TCF7L2: variants seen among roughly 807,000 people sequenced by gnomAD.
TCF7L2 encodes the protein transcription factor 7 like 2, also known as transcription factor 7-like 2.
TCF7L2 carries 23 observed loss-of-function variants against 77.9 expected under a neutral mutation model. That is an observed-to-expected ratio of 0.30 (90% CI 0.21 to 0.42). TCF7L2 has a LOEUF of 0.42. Ranked by LOEUF, TCF7L2 falls within the 10% of genes least tolerant of loss-of-function variation. The probability of loss-of-function intolerance (pLI) is 1.00; values close to 1 mark genes in which losing one functional copy is unlikely to be tolerated. For synonymous variants in TCF7L2, 413 were observed against 340.2 expected, an observed-to-expected ratio of 1.21 and a Z score of -2.36; for missense variants, 654 against 793.1, an observed-to-expected ratio of 0.82 and a Z score of 2.11.
intron 11 of TCF7L2, among the ~76,000 whole-genome samples, chr10:113,153,442 G>C (rs911861455): frequency 6.6e-6 from 1 of 152,220 alleles, no homozygotes; most frequent in African/African-American, 2.4e-5. Flanking sequence ...TCGATGTCTT[G>C]GAGCCATGGA....
chr10:113,164,420 C>T (rs145503440), intron 13 of TCF7L2, among the ~76,000 whole-genome samples: 105 of 152,240 alleles, frequency 6.9e-4, no homozygotes, highest in African/African-American at 2.5e-3. Context: ...GTCCATGCTG[C>T]GATTCCCTGG....
intron 5 of TCF7L2, chr10:113,089,279 A>AT: frequency 8.8e-7 from 1 of 1,137,352 alleles, no homozygotes; most frequent in Non-Finnish European, 1.2e-6. Flanking sequence ...TCCCTCTATC[A>AT]TGGAGCTTCT....
intron 4 of TCF7L2, among the ~76,000 whole-genome samples, chr10:113,027,551 G>A (rs2049405639): frequency 6.6e-6 from 1 of 152,070 alleles, no homozygotes; most frequent in South Asian, 2.1e-4. Context: ...AAACAAAACA[G>A]CCCTCTGTGT....
chr10:113,003,826 G>C (rs1047876001), intron 4 of TCF7L2, among the ~76,000 whole-genome samples: 3 of 152,222 alleles, frequency 2.0e-5, no homozygotes, highest in African/African-American at 7.2e-5. Flanking sequence ...CCCTGAGATG[G>C]TGTAGGCCAC....
chr10:113,140,725 G>A (rs1446167053), intron 5 of TCF7L2, among the ~76,000 whole-genome samples: 2 of 152,172 alleles, frequency 1.3e-5, no homozygotes, highest in East Asian at 1.9e-4. Context: ...GGCTGGGTGG[G>A]ATTTGGGCCC....
chr10:112,993,031 G>A (rs1273807211), intron 4 of TCF7L2, among the ~76,000 whole-genome samples: 1 of 151,920 alleles, frequency 6.6e-6, no homozygotes, highest in African/African-American at 2.4e-5. Flanking sequence ...CGAAAGTGCT[G>A]GGATCACAGG....
At chr10:113,040,180 A>T (rs2134269299) in intron 5 of TCF7L2, 54 bp downstream of exon 5, 1 of 1,524,054 alleles carries the variant, frequency 6.6e-7, no homozygotes, top group Non-Finnish European at 9.0e-7. Context: ...TGAAAAAGAA[A>T]ATGCTTTTTT....
chr10:113,094,793 C>G (rs1223740217), intron 5 of TCF7L2, among the ~76,000 whole-genome samples: 1 of 152,186 alleles, frequency 6.6e-6, no homozygotes, highest in Non-Finnish European at 1.5e-5. Context: ...ATATGCTTAG[C>G]TATTGCCCCA....
At chr10:112,992,453 G>C (rs114921682) in intron 4 of TCF7L2, among the ~76,000 whole-genome samples, 1 of 152,186 alleles carries the variant, frequency 6.6e-6, no homozygotes, top group Non-Finnish European at 1.5e-5. Flanking sequence ...TCCTGGGTTC[G>C]AGTTCCAGCT....
chr10:113,165,427 G>T, intron 13 of TCF7L2, 128 bp from the exon 15 acceptor site: 1 of 1,048,560 alleles, frequency 9.5e-7, no homozygotes, highest in South Asian at 1.5e-5. Flanking sequence ...ATTGTCCTCG[G>T]ACCACTGGGC....
chr10:113,087,783 G>A (rs1345064775), intron 5 of TCF7L2, among the ~76,000 whole-genome samples: 3 of 152,182 alleles, frequency 2.0e-5, no homozygotes, highest in Non-Finnish European at 2.9e-5. Context: ...CAGTTATGGG[G>A]CAGCAATGGC....
intron 8 of TCF7L2, among the ~76,000 whole-genome samples, chr10:113,150,133 C>T (rs2070423515): frequency 6.6e-6 from 1 of 152,128 alleles, no homozygotes; most frequent in Non-Finnish European, 1.5e-5. Context: ...AAAAAATGAG[C>T]AGCATGAGAG....
At chr10:113,100,591 C>T (rs1043180335) in intron 5 of TCF7L2, among the ~76,000 whole-genome samples, 2 of 152,136 alleles carry the variant, frequency 1.3e-5, no homozygotes, top group Non-Finnish European at 2.9e-5. Flanking sequence ...TCATCCTCCC[C>T]GCTGAAAATT....
At chr10:113,113,733 G>C (rs1460339404) in intron 5 of TCF7L2, among the ~76,000 whole-genome samples, 2 of 152,134 alleles carry the variant, frequency 1.3e-5, no homozygotes, top group African/African-American at 4.8e-5. Flanking sequence ...TTTCCCATTA[G>C]AGATAAATAA....
chr10:113,046,261 A>G (rs1449505948), intron 5 of TCF7L2, among the ~76,000 whole-genome samples: 4 of 152,176 alleles, frequency 2.6e-5, no homozygotes, highest in East Asian at 1.9e-4. Flanking sequence ...TAGCCCCTGC[A>G]TGTTGGAATC....
chr10:112,989,229 G>A (rs1590068502), intron 4 of TCF7L2, among the ~76,000 whole-genome samples: 1 of 151,900 alleles, frequency 6.6e-6, no homozygotes. Flanking sequence ...CTGAAGCTGG[G>A]TTACTCTGGA....
At chr10:113,017,973 G>A (rs1334444682) in intron 4 of TCF7L2, among the ~76,000 whole-genome samples, 1 of 152,152 alleles carries the variant, frequency 6.6e-6, no homozygotes, top group African/African-American at 2.4e-5. Context: ...AAAAGGGCTG[G>A]AGAGAGCAGA....
chr10:113,051,896 A>G (rs191557757), intron 5 of TCF7L2, among the ~76,000 whole-genome samples: 1 of 152,196 alleles, frequency 6.6e-6, no homozygotes, highest in Non-Finnish European at 1.5e-5. Flanking sequence ...ATAGTATGAA[A>G]TACTGCCCTT....
rs767300167 is a variant in TCF7L2 at position 113,141,325 on chromosome 10, T to C, written c.685+9T>C. 5.0e-6 allele frequency: 8 copies of C among 1,613,902 alleles called. No homozygotes were observed. In the East Asian group the frequency reaches 1.6e-4, roughly 31 times the overall value. On this transcript the variant is annotated intron_variant, in intron 6 of 13. Transcript: ENST00000627217. ...CGTAGACCCCAAAACAGGTAGGCTGTGGGCTACGGAGCCAAGGTAGAGTGC... is the reference window on the plus strand; with the variant it reads ...CGTAGACCCCAAAACAGGTAGGCTGCGGGCTACGGAGCCAAGGTAGAGTGC...
Sources: allele counts gnomAD v4.1 joint callset (sites outside exome capture counted in the v4.1 genomes callset), GRCh38; gene constraint gnomAD v4.1.1; transcripts MANE v1.5; gene names NCBI Gene and HGNC (gene_info 2026-07-23, HGNC 2026-07-21).